RAB38: variants seen among roughly 807,000 people sequenced by gnomAD.
RAB38 encodes ras-related protein Rab-38.
A neutral mutation model predicts 18.4 loss-of-function variants in RAB38; 15 were observed. The ratio of observed to expected loss-of-function variants is 0.82; its 90% confidence interval spans 0.55 to 1.26. The LOEUF (loss-of-function observed/expected upper bound fraction) is 1.26, where lower values mean the gene tolerates loss of function less well. Among genes scored for constraint, RAB38 ranks in the 50% most tolerant of loss-of-function variants. The pLI is 0.00. For missense variants in RAB38, 294 were observed against 267.4 expected (o/e 1.10, Z -0.69); for synonymous variants, 101 against 104.4 (o/e 0.97, Z 0.20).
At chr11:87,964,251 G>A in the RAB38 span, among the ~76,000 whole-genome samples, 8 of 152,078 alleles carry the variant, frequency 5.3e-5, no homozygotes, top group Non-Finnish European at 1.0e-4. Context: ...CGTTGCATTC[G>A]TGATCAGTCA....
the RAB38 span, among the ~76,000 whole-genome samples, chr11:87,910,920 G>A: frequency 3.3e-5 from 5 of 152,012 alleles, no homozygotes; most frequent in Non-Finnish European, 7.4e-5. Flanking sequence ...ACAGGTATGA[G>A]CCACAGTGCG....
the RAB38 span, among the ~76,000 whole-genome samples, chr11:88,091,671 C>A: frequency 1.3e-5 from 2 of 151,942 alleles, no homozygotes; most frequent in African/African-American, 4.8e-5. Flanking sequence ...CATATGCTAT[C>A]TTCATTCCTT....
chr11:88,160,724 G>A (rs562791476), intron 1 of RAB38, among the ~76,000 whole-genome samples: 1 of 152,196 alleles, frequency 6.6e-6, no homozygotes, highest in Admixed American at 6.5e-5. Context: ...GTGAATTAAT[G>A]CAGGAACAGA....
At chr11:88,146,056 C>T (rs148845356) in intron 2 of RAB38, among the ~76,000 whole-genome samples, 2 of 152,142 alleles carry the variant, frequency 1.3e-5, no homozygotes, top group African/African-American at 4.8e-5. Context: ...ACCAGAGACA[C>T]CAACATGTAT....
chr11:87,924,777 G>A, the RAB38 span, among the ~76,000 whole-genome samples: 2 of 152,040 alleles, frequency 1.3e-5, no homozygotes, highest in Non-Finnish European at 2.9e-5. Flanking sequence ...CAGGTAGGAA[G>A]TGGTGGAGGC....
the RAB38 span, among the ~76,000 whole-genome samples, chr11:87,924,873 G>A: frequency 6.6e-6 from 1 of 151,978 alleles, no homozygotes; most frequent in East Asian, 2.0e-4. Flanking sequence ...ACAAATGTGT[G>A]TTGTGTGTAT....
the RAB38 span, among the ~76,000 whole-genome samples, chr11:87,911,863 C>A: frequency 6.6e-6 from 1 of 151,704 alleles, no homozygotes; most frequent in Admixed American, 6.6e-5. Context: ...TTTACAGATG[C>A]CATTTATCAA....
the RAB38 span, among the ~76,000 whole-genome samples, chr11:87,842,313 G>C: frequency 6.6e-6 from 1 of 152,106 alleles, no homozygotes; most frequent in Non-Finnish European, 1.5e-5. Context: ...AGAGACAAAA[G>C]GATAAAGAAG....
At chr11:87,932,198 AG>A in the RAB38 span, among the ~76,000 whole-genome samples, 1 of 151,994 alleles carries the variant, frequency 6.6e-6, no homozygotes, top group South Asian at 2.1e-4. Context: ...CCTACATGAG[AG>A]GTTGATAGGT....
chr11:87,910,694 G>A, the RAB38 span, among the ~76,000 whole-genome samples: 1 of 145,172 alleles, frequency 6.9e-6, no homozygotes, highest in Admixed American at 7.1e-5. Flanking sequence ...AGCTTGGAGT[G>A]CAGTGGCACT....
At chr11:87,902,540 C>T in the RAB38 span, among the ~76,000 whole-genome samples, 4 of 151,492 alleles carry the variant, frequency 2.6e-5, no homozygotes, top group African/African-American at 9.6e-5. Context: ...TTCATTTCTA[C>T]AAGAAAAGTC....
chr11:88,082,186 C>G, the RAB38 span, among the ~76,000 whole-genome samples: 1 of 151,730 alleles, frequency 6.6e-6, no homozygotes, highest in African/African-American at 2.4e-5. Context: ...AGTTACATAT[C>G]TATATATTTG....
At chr11:88,029,141 C>G in the RAB38 span, among the ~76,000 whole-genome samples, 15 of 151,380 alleles carry the variant, frequency 9.9e-5, no homozygotes, top group Non-Finnish European at 2.2e-4. Context: ...GCTTCATAAG[C>G]GAAGGAGAAA....
At chr11:88,111,805 G>C (rs780776346), downstream of RAB38, among the ~76,000 whole-genome samples, 4 of 152,202 alleles carry the variant, frequency 2.6e-5, no homozygotes, top group Non-Finnish European at 5.9e-5. Flanking sequence ...TCTTGCTTTA[G>C]TAAAGTGATT....
the RAB38 span, among the ~76,000 whole-genome samples, chr11:87,879,048 G>C: frequency 6.6e-6 from 1 of 150,608 alleles, no homozygotes; most frequent in Admixed American, 6.6e-5. Flanking sequence ...ATGTTGAGGA[G>C]AGGAGTAAAT....
chr11:87,892,674 ACTT>A, the RAB38 span, among the ~76,000 whole-genome samples: 1 of 151,702 alleles, frequency 6.6e-6, no homozygotes, highest in South Asian at 2.1e-4. Flanking sequence ...TTGATTTTTG[ACTT>A]CTTACTTTGT....
the RAB38 span, among the ~76,000 whole-genome samples, chr11:87,918,686 G>A: frequency 6.6e-6 from 1 of 151,966 alleles, no homozygotes; most frequent in Non-Finnish European, 1.5e-5. Context: ...TTTAAGAAAT[G>A]TCTATTGCGG....
the RAB38 span, among the ~76,000 whole-genome samples, chr11:87,977,993 AAC>A: frequency 1.9e-5 from 2 of 103,440 alleles, no homozygotes; most frequent in African/African-American, 7.9e-5. Flanking sequence ...ATATCTTATA[AAC>A]TATTATTTTA....
chr11:87,887,669 G>A, the RAB38 span, among the ~76,000 whole-genome samples: 83 of 151,988 alleles, frequency 5.5e-4, no homozygotes, highest in African/African-American at 1.9e-3. Context: ...AAGATGATAG[G>A]ATCTCAAAAA....
Sources: gnomAD v4.1 joint callset for allele counts (sites outside exome capture counted in the v4.1 genomes callset) on GRCh38, gnomAD v4.1.1 for gene constraint, MANE v1.5 for transcripts, NCBI Gene and HGNC (gene_info 2026-07-23, HGNC 2026-07-21) for gene names.